LUZP2: variants seen among roughly 807,000 people sequenced by gnomAD.
LUZP2 encodes the protein leucine zipper protein 2.
A neutral mutation model predicts 51.6 loss-of-function variants in LUZP2; 52 were observed. The ratio of observed to expected loss-of-function variants is 1.01; its 90% CI spans 0.81 to 1.27. The LOEUF is 1.27. LUZP2 is among the 50% of genes most tolerant of loss of function. LUZP2 has a pLI of 0.00. For missense variants in LUZP2, 436 were observed against 395.4 expected (o/e 1.10, Z -0.87); for synonymous variants, 154 against 137.3 (o/e 1.12, Z -0.85).
At chr11:24,865,310 T>C (rs1851857841) in intron 5 of LUZP2, among the ~76,000 whole-genome samples, 1 of 152,342 alleles carries the variant, frequency 6.6e-6, no homozygotes, top group Non-Finnish European at 1.5e-5. Flanking sequence ...TTTGTTTTTG[T>C]TAATACTATT....
chr11:24,900,177 A>G (rs1040473568), intron 5 of LUZP2, among the ~76,000 whole-genome samples: 1 of 152,216 alleles, frequency 6.6e-6, no homozygotes, highest in Non-Finnish European at 1.5e-5. Flanking sequence ...AGAGTATTAC[A>G]TTCTAGTAGA....
chr11:24,648,189 C>T (rs1855519496), intron 1 of LUZP2, among the ~76,000 whole-genome samples: 1 of 151,918 alleles, frequency 6.6e-6, no homozygotes, highest in South Asian at 2.1e-4. Context: ...TCTTTATAAA[C>T]TTAGACACCT....
At chr11:24,772,498 C>CT (rs1022356623) in intron 5 of LUZP2, among the ~76,000 whole-genome samples, 7 of 151,908 alleles carry the variant, frequency 4.6e-5, no homozygotes, top group African/African-American at 1.7e-4. Context: ...TTATAACTTT[C>CT]TTTTTTTTCA....
chr11:24,957,689 G>A (rs1205959337), intron 7 of LUZP2, among the ~76,000 whole-genome samples: 1 of 152,052 alleles, frequency 6.6e-6, no homozygotes, highest in South Asian at 2.1e-4. Flanking sequence ...TCTTTTCAAA[G>A]GCTGAATAAT....
intron 1 of LUZP2, among the ~76,000 whole-genome samples, chr11:24,674,167 G>A (rs894057259): frequency 1.3e-5 from 2 of 152,084 alleles, no homozygotes; most frequent in Admixed American, 1.3e-4. Flanking sequence ...TGTAGAGTGG[G>A]AATTAGTAGA....
intron 9 of LUZP2, among the ~76,000 whole-genome samples, chr11:25,023,133 G>C (rs1857387659): frequency 6.6e-6 from 1 of 152,082 alleles, no homozygotes. Context: ...GTCTCTGCCA[G>C]GCTTTGGTGT....
At chr11:24,938,344 CAG>C (rs1016868944) in intron 7 of LUZP2, among the ~76,000 whole-genome samples, 6 of 152,068 alleles carry the variant, frequency 3.9e-5, no homozygotes, top group African/African-American at 1.4e-4. Context: ...TGTCTGGAAA[CAG>C]AGATCTGAAA....
At position 24,958,167 on chromosome 11, in the gene LUZP2, G is replaced by C. The variant is rs561231320; in HGVS notation, c.523-18424G>C. 9.9e-4 allele frequency among the ~76,000 whole-genome samples: 151 copies of C among 152,234 alleles called. 1 individual carries two copies. Among genetic ancestry groups the C allele is most frequent in the South Asian group, 4.8e-3 (23 of 4,826 alleles). Reference sequence around the variant, plus strand: ...CAGTCTATCATTGTTGGACATTTGGGTTGGTTCCAAGTCTTTGCTATTGTG... The same window carrying C: ...CAGTCTATCATTGTTGGACATTTGGCTTGGTTCCAAGTCTTTGCTATTGTG... On this transcript the variant is annotated intron_variant, in intron 7 of 11. Transcript: ENST00000336930.
chr11:24,550,544 A>G (rs1208340451), intron 1 of LUZP2, among the ~76,000 whole-genome samples: 2 of 152,104 alleles, frequency 1.3e-5, no homozygotes, highest in African/African-American at 4.8e-5. Flanking sequence ...AATCACTTAT[A>G]GAGGCAGGAA....
At chr11:24,826,228 G>A (rs117078482) in intron 5 of LUZP2, among the ~76,000 whole-genome samples, 1,418 of 139,876 alleles carry the variant, frequency 0.01, 14 homozygotes, top group Middle Eastern at 0.06. Flanking sequence ...TAATTTCAGG[G>A]AACAGTTTAG....
intron 4 of LUZP2, among the ~76,000 whole-genome samples, chr11:24,749,225 T>A (rs1332608203): frequency 6.6e-6 from 1 of 152,104 alleles, no homozygotes; most frequent in Non-Finnish European, 1.5e-5. Flanking sequence ...AAGAGACCAC[T>A]TTGGTGGTCT....
chr11:25,007,106 CTGAT>C lies in LUZP2; in HGVS notation c.765+23816_765+23819del, dbSNP rs553055236. On this transcript the variant is annotated intron_variant, in intron 9 of 11. Transcript: ENST00000336930. ...ATGATTGGTGCATTTTTACAGAGTG[CTGAT>C]TGGTGCATTTACAAACCTTTAGCTA... 4.8e-3 allele frequency among the ~76,000 whole-genome samples: 737 copies of C among 152,226 alleles called. 3 individuals carry two copies. Among genetic ancestry groups the C allele is most frequent in the Middle Eastern group, 0.01 (3 of 294 alleles).
chr11:24,966,066 T>C (rs948092273), intron 7 of LUZP2, among the ~76,000 whole-genome samples: 1 of 151,826 alleles, frequency 6.6e-6, no homozygotes, highest in Admixed American at 6.6e-5. Context: ...TGGTTTTTCA[T>C]TGTAGTTTTA....
chr11:24,683,857 T>G (rs983756804), intron 1 of LUZP2, among the ~76,000 whole-genome samples: 1 of 152,276 alleles, frequency 6.6e-6, no homozygotes, highest in Non-Finnish European at 1.5e-5. Flanking sequence ...AAGGTTCAAC[T>G]GGCATTGCAA....
chr11:25,067,424 T>G (rs574789575), intron 10 of LUZP2, among the ~76,000 whole-genome samples: 2 of 152,222 alleles, frequency 1.3e-5, no homozygotes, highest in South Asian at 4.1e-4. Context: ...TTGTCATTGT[T>G]TTTGGTGTTT....
intron 1 of LUZP2, among the ~76,000 whole-genome samples, chr11:24,550,914 T>C (rs1851705720): frequency 6.6e-6 from 1 of 151,896 alleles, no homozygotes; most frequent in African/African-American, 2.4e-5. Context: ...CTGCACTCCA[T>C]CCTGGGCAAG....
chr11:25,064,484 A>T (rs930190714), intron 10 of LUZP2, among the ~76,000 whole-genome samples: 2 of 152,044 alleles, frequency 1.3e-5, no homozygotes, highest in African/African-American at 4.8e-5. Context: ...GCAACTTCTC[A>T]TGTAGACTTA....
chr11:24,638,941 A>G (rs1201406754), intron 1 of LUZP2, among the ~76,000 whole-genome samples: 1 of 151,726 alleles, frequency 6.6e-6, no homozygotes, highest in Non-Finnish European at 1.5e-5. Context: ...TAACAGTTAA[A>G]AAAAGATTTT....
chr11:24,525,409 C>A (rs942439052), intron 1 of LUZP2, among the ~76,000 whole-genome samples: 2 of 151,402 alleles, frequency 1.3e-5, no homozygotes, highest in Non-Finnish European at 3.0e-5. Flanking sequence ...TGTTTTTTTG[C>A]AGGCATGACT....
Sources: gnomAD v4.1 joint callset for allele counts (sites outside exome capture counted in the v4.1 genomes callset) on GRCh38, gnomAD v4.1.1 for gene constraint, MANE v1.5 for transcripts, NCBI Gene and HGNC (gene_info 2026-07-23, HGNC 2026-07-21) for gene names.